The following UBE2N variants were observed in gnomAD, a reference collection of about 807,000 sequenced individuals.
UBE2N encodes ubiquitin-conjugating enzyme E2 N.
For missense variants in UBE2N, 60 were observed against 192.1 expected (o/e 0.31, Z 4.07); for synonymous variants, 70 against 69.2 (o/e 1.01, Z -0.06).
At chr12:93,411,471 A>C (rs551072483) in intron 1 of UBE2N, among the ~76,000 whole-genome samples, 172 bp from the exon 2 acceptor site, 7 of 152,346 alleles carry the variant, frequency 4.6e-5, no homozygotes, top group African/African-American at 1.7e-4. Context: ...AAATAATTAC[A>C]ACCAGCTGAA....
At chr12:93,429,312 A>AT (rs1362161319) in intron 1 of UBE2N, 1 of 420,180 alleles carries the variant, frequency 2.4e-6, no homozygotes, top group South Asian at 1.7e-5. Context: ...ACTCAACTTG[A>AT]TATATAAATG....
chr12:93,426,457 T>C (rs988430386), intron 1 of UBE2N, among the ~76,000 whole-genome samples: 2 of 149,004 alleles, frequency 1.3e-5, no homozygotes, highest in African/African-American at 4.9e-5. Context: ...TTGAATAGTG[T>C]AAGTAAACAG....
chr12:93,436,106 A>G (rs766810589), intron 1 of UBE2N, among the ~76,000 whole-genome samples: 4 of 151,920 alleles, frequency 2.6e-5, no homozygotes, highest in Non-Finnish European at 5.9e-5. Context: ...CATTATTATC[A>G]TTATTACTAT....
intron 1 of UBE2N, among the ~76,000 whole-genome samples, chr12:93,428,101 G>A (rs971349809): frequency 6.6e-6 from 1 of 151,930 alleles, no homozygotes; most frequent in Admixed American, 6.6e-5. Context: ...GTATTTTTTT[G>A]TAGACATGGG....
chr12:93,416,847 C>G (rs1161415529), intron 1 of UBE2N, among the ~76,000 whole-genome samples: 1 of 132,906 alleles, frequency 7.5e-6, no homozygotes, highest in Non-Finnish European at 1.6e-5. Flanking sequence ...TAGTGAGACC[C>G]CATCACTACC....
intron 1 of UBE2N, among the ~76,000 whole-genome samples, chr12:93,428,936 AC>A (rs1011346408): frequency 1.4e-4 from 21 of 152,258 alleles, no homozygotes; most frequent in African/African-American, 4.8e-4. Flanking sequence ...CCTTACCTGA[AC>A]CACAACAATA....
intron 1 of UBE2N, chr12:93,424,176 C>T (rs902411424): frequency 6.6e-6 from 1 of 152,296 alleles, no homozygotes; most frequent in Admixed American, 6.5e-5. Flanking sequence ...ACAGACAAAT[C>T]AATATTCTTT....
At chr12:93,415,201 C>T (rs1284682500) in intron 1 of UBE2N, among the ~76,000 whole-genome samples, 3 of 152,148 alleles carry the variant, frequency 2.0e-5, no homozygotes, top group Admixed American at 2.0e-4. Context: ...ATTTTATTTA[C>T]ACTGCCTTCA....
At chr12:93,440,693 G>T (rs1879073491) in intron 1 of UBE2N, among the ~76,000 whole-genome samples, 1 of 152,154 alleles carries the variant, frequency 6.6e-6, no homozygotes, top group Non-Finnish European at 1.5e-5. Flanking sequence ...TTTAACTGGC[G>T]CATTTAGTCA....
intron 1 of UBE2N, among the ~76,000 whole-genome samples, chr12:93,421,385 G>A (rs897549824): frequency 2.6e-5 from 4 of 152,198 alleles, no homozygotes; most frequent in African/African-American, 9.6e-5. Flanking sequence ...TGTATTTTTA[G>A]TAGAGACGGA....
chr12:93,420,770 A>C lies in UBE2N; in HGVS notation c.31-9471T>G, dbSNP rs114555046. On this transcript the variant is annotated intron_variant, in intron 1 of 3. Coordinates refer to ENST00000318066, the MANE Select transcript of UBE2N (RefSeq NM_003348.4). ...AATGGACAAAAATCAGAATAATCCT[A>C]CTAACAAATTGTCCCACCAAGAAGA... Among the ~76,000 whole-genome samples, 1,466 of 152,318 alleles carry C rather than the reference A, an allele frequency of 9.6e-3. 28 individuals carry two copies. The highest frequency in any genetic ancestry group is 0.031 in the African/African-American group (1,296 of 41,558).
chr12:93,409,748 G>GCTT lies in UBE2N; in HGVS notation c.*288_*290dup, dbSNP rs1248287675. 2.7e-6 allele frequency: 1 copy of GCTT among 365,208 alleles called. No individual in the cohort carries two copies. Among genetic ancestry groups the GCTT allele is most frequent in the African/African-American group, 2.2e-5 (1 of 45,746 alleles). The allele number at this position is 365,208 out of a possible 1,614,324, so 22.6% of individuals were successfully genotyped here. On this transcript the variant is annotated 3_prime_UTR_variant, in exon 4 of 4. Coordinates refer to ENST00000318066, the MANE Select transcript of UBE2N (RefSeq NM_003348.4). The stretch of plus-strand genomic sequence containing the variant: ...CCTGACAACTACCTTCATTCACAGT[G>GCTT]CTTTATACTTAAACCAGGATGGGGG...
Position 93,408,012 on chromosome 12 carries a change from C to A in UBE2N, c.*2027G>T, listed in dbSNP as rs1253361532. On this transcript the variant is annotated 3_prime_UTR_variant, in exon 4 of 4. Coordinates refer to ENST00000318066, the MANE Select transcript of UBE2N (RefSeq NM_003348.4). ...TTCTATAACTCACAAATTTAGCAGA[C>A]ATCATTTAGACATTTTTGTAGTGCA... The A allele has an allele frequency of 6.6e-6, 1 of 152,184 alleles. No homozygotes were observed. The allele number at this position is 152,184 out of a possible 1,614,324, so 9.4% of individuals were successfully genotyped here.
At chr12:93,427,600 A>G (rs905961531) in intron 1 of UBE2N, among the ~76,000 whole-genome samples, 7 of 152,240 alleles carry the variant, frequency 4.6e-5, no homozygotes, top group African/African-American at 1.7e-4. Context: ...GGTTGAAGGT[A>G]GAGTGACTGC....
intron 1 of UBE2N, among the ~76,000 whole-genome samples, chr12:93,429,565 A>AC: frequency 1.0e-5 from 1 of 99,108 alleles, no homozygotes; most frequent in Non-Finnish European, 2.2e-5. Flanking sequence ...CTGCTTGTTA[A>AC]AAAAAAAAAA....
intron 1 of UBE2N, chr12:93,429,249 G>A (rs1271348863): frequency 2.7e-4 from 102 of 383,662 alleles, no homozygotes; most frequent in Non-Finnish European, 1.6e-4. Context: ...CAGCCTGGGC[G>A]ACAGAGGGAG....
chr12:93,428,326 T>C (rs994292465), intron 1 of UBE2N, among the ~76,000 whole-genome samples: 2 of 152,212 alleles, frequency 1.3e-5, no homozygotes, highest in Non-Finnish European at 2.9e-5. Context: ...GATCCAAGCA[T>C]AGACATGCTG....
At position 93,421,174 on chromosome 12, in the gene UBE2N, T is replaced by A. The variant is rs572322776; in HGVS notation, c.31-9875A>T. Among the ~76,000 whole-genome samples, 3 of 150,084 alleles carry A rather than the reference T, an allele frequency of 2.0e-5. No homozygotes were observed. In the South Asian group the frequency reaches 6.3e-4, roughly 32 times the overall value. On this transcript the variant is annotated intron_variant, in intron 1 of 3. Transcript: ENST00000318066. ...GGCTCTATTCAGTCTGGTTTCAGGA[T>A]GTGTTTCTTAATCTTTTTCTTTCTT...
intron 1 of UBE2N, among the ~76,000 whole-genome samples, chr12:93,421,811 CGT>C (rs1878420808): frequency 6.6e-6 from 1 of 152,102 alleles, no homozygotes; most frequent in South Asian, 2.1e-4. Flanking sequence ...TAAAATGTTT[CGT>C]GACTTTGAAA....
Sources: allele counts gnomAD v4.1 joint callset (sites outside exome capture counted in the v4.1 genomes callset), GRCh38; gene constraint gnomAD v4.1.1; transcripts MANE v1.5; gene names NCBI Gene and HGNC (gene_info 2026-07-23, HGNC 2026-07-21).